The following WRAP73 variants were observed in gnomAD, a reference collection of about 807,000 sequenced individuals.
WRAP73 encodes the protein WD repeat containing, antisense to TP73.
In WRAP73, 55 loss-of-function variants were observed where a neutral mutation model predicts 59.6. The ratio of observed to expected loss-of-function variants is 0.92; its 90% CI spans 0.74 to 1.15. The LOEUF (loss-of-function observed/expected upper bound fraction) is 1.15. Among genes scored for constraint, WRAP73 ranks in the 50% most tolerant of loss-of-function variants. The probability of loss-of-function intolerance (pLI) is 0.00; values close to 1 mark genes in which losing one functional copy is unlikely to be tolerated. For missense variants in WRAP73, 592 were observed against 608.1 expected (o/e 0.97, Z 0.28); for synonymous variants, 265 against 258.2 (o/e 1.03, Z -0.25).
At chr1:3,649,127 A>G (rs1644716390) in intron 1 of WRAP73, among the ~76,000 whole-genome samples, 1 of 152,186 alleles carries the variant, frequency 6.6e-6, no homozygotes, top group Non-Finnish European at 1.5e-5. Flanking sequence ...TCTTCTGAGG[A>G]CATACATACT....
chr1:3,631,231 G>A lies in WRAP73; in HGVS notation c.1241-114C>T, dbSNP rs1366681703. ...GTGCCTGGAGTGACCCACATAGGCA[G>A]AGCCAGGGTGGAGCCCCAGAGCTGC... On this transcript the variant is annotated intron_variant, in intron 11 of 11. Coordinates refer to ENST00000270708, the MANE Select transcript of WRAP73 (RefSeq NM_017818.4). 33 of 1,513,264 alleles carry A rather than the reference G, an allele frequency of 2.2e-5. No individual in the cohort carries two copies. In the East Asian group the frequency reaches 6.1e-4, roughly 28 times the overall value. 93.7% of individuals were successfully genotyped at this position (1,513,264 alleles called of 1,614,324 possible).
rs773583138 is a variant in WRAP73 at position 3,636,076 on chromosome 1, GTAAA to G, written c.517-50_517-47del. On this transcript the variant is annotated intron_variant, in intron 5 of 11. Coordinates refer to ENST00000270708, the MANE Select transcript of WRAP73 (RefSeq NM_017818.4). ...AACATTAAATTTGGAAAATATTTTC[GTAAA>G]TAAATAATTGCATTTATGACTGATG... 4 of 1,427,348 alleles carry G rather than the reference GTAAA, an allele frequency of 2.8e-6. No individual in the cohort carries two copies. The East Asian group carries it at 6.8e-5, about 24-fold the overall frequency. 88.4% of individuals were successfully genotyped at this position (1,427,348 alleles called of 1,614,324 possible). A position where few individuals can be genotyped will look rare whatever the true frequency, so the allele number is the denominator to read the frequency against.
chr1:3,642,169 C>T (rs192802604), intron 3 of WRAP73, among the ~76,000 whole-genome samples: 174 of 152,304 alleles, frequency 1.1e-3, no homozygotes, highest in Middle Eastern at 0.01. Flanking sequence ...GGAAGGATTG[C>T]GTGAGTTTAG....
At position 3,646,749 on chromosome 1, in the gene WRAP73, T is replaced by C. The variant is rs1296776515; in HGVS notation, c.256A>G (p.Lys86Glu). 1 of 1,612,376 alleles carries C rather than the reference T, an allele frequency of 6.2e-7. No homozygotes were observed. The highest frequency in any genetic ancestry group is 1.1e-5 in the South Asian group (1 of 91,002). ...WSLEQPEWHC[K>E]IDEGSAGLVA... is the part of the protein sequence containing the mutation. ...AGCCCGGCTGAGCCCTCGTCTATTT[T>C]GCAGTGCCATTCGGGCTGCTCTAAA... Residue 86 changes from lysine to glutamate, a missense_variant, in exon 3 of 12, where the codon AAA (lysine) becomes GAA (glutamate). Transcript: ENST00000270708. The surrounding 1 kb of genome is among the most constrained non-coding windows in gnomAD (Gnocchi z 5.1).
At chr1:3,635,569 C>T in intron 6 of WRAP73, 1 of 522,622 alleles carries the variant, frequency 1.9e-6, no homozygotes, top group South Asian at 2.3e-5. Flanking sequence ...GCCTGTAATC[C>T]CAGCACTTTG....
rs1644544030 is a variant in WRAP73, at chr1:3,632,327, A to C, written c.934T>G (p.Ser312Ala). The change falls in exon 10 of 12, where the codon TCT (serine) becomes GCT (alanine). Residue 312 changes from serine to alanine, a missense_variant. Coordinates refer to ENST00000270708, the MANE Select transcript of WRAP73 (RefSeq NM_017818.4). ...AGTGTCTGTAAGGAGACTGGGACAG[A>C]GGCGATCTCATCTAGAACACCAACA... is the stretch of plus-strand genomic sequence containing the variant. ...PSSESKYEIA[S>A]VPVSLQTLKP... is the part of the protein sequence containing the mutation. 1 of 1,614,034 alleles carries C rather than the reference A, an allele frequency of 6.2e-7. No individual in the cohort carries two copies. The highest frequency in any genetic ancestry group is 1.3e-5 in the African/African-American group (1 of 74,948).
chr1:3,631,006 G>C lies in WRAP73; in HGVS notation c.1352C>G (p.Thr451Arg), dbSNP rs1644526640. Residue 451 changes from threonine to arginine, a missense_variant, in exon 12 of 12, where the codon ACA becomes AGA. Thr to Arg is a moderately conservative substitution (Grantham distance 71). Transcript: ENST00000270708. ...CFLETEAVVGTACRQLGGHT is the reference protein window; with the variant it reads ...CFLETEAVVGRACRQLGGHT ...GTGGCCGCCCAGCTGTCTGCAGGCT[G>C]TGCCGACCACTGCCTCTGTCTCCAG... 1 of 1,612,992 alleles carries C rather than the reference G, an allele frequency of 6.2e-7. No homozygotes were observed. The highest frequency in any genetic ancestry group is 8.5e-7 in the Non-Finnish European group (1 of 1,179,954).
In WRAP73 at chr1:3,649,955, C is replaced by T. The variant is rs777765136; in HGVS notation, c.45G>A (p.Lys15=). The T allele has an allele frequency of 3.7e-6, 6 of 1,604,088 alleles. No individual in the cohort carries two copies. Among genetic ancestry groups the T allele is most frequent in the East Asian group, 2.3e-5 (1 of 44,064 alleles). ...CCAGGTACTTGCCGTCCGGGGAGAA[C>T]TTGCAGAGTAAGCTGGAGAGCTTGA... is the stretch of plus-strand genomic sequence containing the variant. ...EVFKLSSLLC[K]FSPDGKYLAS... is the part of the protein sequence containing the mutation. Residue 15 remains lysine, a synonymous_variant, in exon 1 of 12, where the codon AAG becomes AAA. Transcript: ENST00000270708.
At chr1:3,633,306 T>G in intron 9 of WRAP73, 92 bp downstream of exon 9, 1 of 1,309,084 alleles carries the variant, frequency 7.6e-7, no homozygotes, top group Non-Finnish European at 1.1e-6. Context: ...AAGTTTTTTT[T>G]TTTAAACATA....
chr1:3,647,339 G>C, intron 2 of WRAP73, 69 bp downstream of exon 2: 1 of 1,485,248 alleles, frequency 6.7e-7, no homozygotes, highest in South Asian at 1.3e-5. Flanking sequence ...GAAAGGCACA[G>C]AACAAAACCC....
At chr1:3,641,133 G>A (rs1644640505) in intron 3 of WRAP73, among the ~76,000 whole-genome samples, 1 of 152,194 alleles carries the variant, frequency 6.6e-6, no homozygotes, top group African/African-American at 2.4e-5. Context: ...GAGACCCGTG[G>A]GATGGGCTCC....
intron 4 of WRAP73, 33 bp downstream of exon 4, chr1:3,638,717 G>C (rs1421886180): frequency 6.2e-7 from 1 of 1,612,644 alleles, no homozygotes; most frequent in South Asian, 1.1e-5. Flanking sequence ...CAGCTGCAAA[G>C]AAATGGCTTT....
rs143970017 is a variant in WRAP73 at position 3,646,715 on chromosome 1, G to A, written c.290C>T (p.Ser97Leu). 13 of 1,608,902 alleles carry A rather than the reference G, an allele frequency of 8.1e-6. No individual in the cohort carries two copies. The highest frequency in any genetic ancestry group is 4.5e-5 in the East Asian group (2 of 44,720). ...IDEGSAGLVA[S>L]CWSPDGRHIL... ...GTGGCGCCCGTCCGGGCTCCAGCACGAGGCCACCAGCCCGGCTGAGCCCTC... is the reference window on the plus strand; with the variant it reads ...GTGGCGCCCGTCCGGGCTCCAGCACAAGGCCACCAGCCCGGCTGAGCCCTC... Residue 97 changes from serine to leucine, a missense_variant, in exon 3 of 12, where the codon TCG (serine) becomes TTG (leucine). By Grantham distance (145) the Ser-to-Leu change is moderately radical (BLOSUM62 -2). Transcript: ENST00000270708. The surrounding 1 kb of genome is among the most constrained non-coding windows in gnomAD (Gnocchi z 5.1).
chr1:3,632,106 T>A, intron 10 of WRAP73, 107 bp downstream of exon 10: 1 of 1,508,558 alleles, frequency 6.6e-7, no homozygotes, highest in Non-Finnish European at 8.8e-7. Flanking sequence ...TGAAAGGAGG[T>A]GACGTGTCGG....
intron 4 of WRAP73, among the ~76,000 whole-genome samples, chr1:3,637,569 T>C (rs1644600284): frequency 1.3e-5 from 2 of 152,224 alleles, no homozygotes; most frequent in African/African-American, 4.8e-5. Flanking sequence ...TGGCCAGGCA[T>C]GGTGGCTCAC....
intron 9 of WRAP73, chr1:3,632,542 G>A (rs1644546824): frequency 2.7e-6 from 2 of 736,972 alleles, no homozygotes; most frequent in African/African-American, 1.8e-5. Flanking sequence ...CCGGATGAGA[G>A]TGGCACCATC....
At chr1:3,644,908 C>G (rs374872038) in intron 3 of WRAP73, among the ~76,000 whole-genome samples, 2 of 152,212 alleles carry the variant, frequency 1.3e-5, no homozygotes, top group South Asian at 4.1e-4. Context: ...GAGCCCTTCT[C>G]AAGGGCAGAT....
At chr1:3,645,423 G>A (rs968443352) in intron 3 of WRAP73, among the ~76,000 whole-genome samples, 6 of 104,972 alleles carry the variant, frequency 5.7e-5, no homozygotes, top group Admixed American at 2.0e-4. Context: ...TGTGCGCGGC[G>A]CAGCGGGACG....
chr1:3,642,399 T>C (rs1644654520), intron 3 of WRAP73, among the ~76,000 whole-genome samples: 1 of 152,176 alleles, frequency 6.6e-6, no homozygotes, highest in Non-Finnish European at 1.5e-5. Flanking sequence ...GCAGGTATAA[T>C]GGAACTGAGC....
Sources: allele counts gnomAD v4.1 joint callset (sites outside exome capture counted in the v4.1 genomes callset), GRCh38; gene constraint gnomAD v4.1.1; non-coding constraint Gnocchi (gnomAD v3.1); transcripts MANE v1.5; gene names NCBI Gene and HGNC (gene_info 2026-07-23, HGNC 2026-07-21).